CACNA2D3: variants seen among roughly 807,000 people sequenced by gnomAD.
The protein encoded by CACNA2D3 is calcium voltage-gated channel auxiliary subunit alpha2delta 3.
A neutral mutation model predicts 160.6 loss-of-function variants in CACNA2D3; 60 were observed. That is an observed-to-expected ratio of 0.37 (90% CI 0.30 to 0.46). CACNA2D3 has a LOEUF of 0.46. CACNA2D3 is among the 20% of genes least tolerant of loss of function. The pLI is 1.00. For missense variants in CACNA2D3, 1,205 were observed against 1,365.0 expected (o/e 0.88, Z 1.85); for synonymous variants, 558 against 492.9 (o/e 1.13, Z -1.75).
intron 13 of CACNA2D3, among the ~76,000 whole-genome samples, chr3:54,801,622 G>C (rs570175641): frequency 6.6e-6 from 1 of 152,074 alleles, no homozygotes; most frequent in Non-Finnish European, 1.5e-5. Flanking sequence ...ATCAGCGGTG[G>C]ATATTAGCAT....
In CACNA2D3 at chr3:54,691,111, G is replaced by C. The variant is rs114405664; in HGVS notation, c.1167+48870G>C. On this transcript the variant is annotated intron_variant, in intron 11 of 37. Transcript: ENST00000474759. ...ACTCTAATGGGGTTGGGCTTTGTCA[G>C]TTCTTAGGAGAAGAGGCCTGGTTCC... Among the ~76,000 whole-genome samples the C allele has an allele frequency of 3.4e-3, 516 of 152,280 alleles. 3 individuals are homozygous for C. The highest frequency in any genetic ancestry group is 0.012 in the African/African-American group (501 of 41,554).
At chr3:54,763,815 A>G (rs9881292) in intron 12 of CACNA2D3, among the ~76,000 whole-genome samples, 1,926 of 7,440 alleles carry the variant, frequency 0.26, 457 homozygotes, top group Middle Eastern at 0.42. Flanking sequence ...ATATATACAT[A>G]TATATATACG....
chr3:54,278,095 C>T (rs960283354), intron 2 of CACNA2D3, among the ~76,000 whole-genome samples: 3 of 152,106 alleles, frequency 2.0e-5, no homozygotes, highest in East Asian at 1.9e-4. Context: ...TTCTATCCAT[C>T]TGACAAAGGG....
At chr3:54,903,971 G>A (rs1700399050) in intron 27 of CACNA2D3, among the ~76,000 whole-genome samples, 1 of 152,160 alleles carries the variant, frequency 6.6e-6, no homozygotes, top group South Asian at 2.1e-4. Context: ...TTTATCAGAT[G>A]CTTAGTTTGC....
intron 2 of CACNA2D3, among the ~76,000 whole-genome samples, chr3:54,123,949 A>C (rs1207051470): frequency 6.6e-6 from 1 of 152,110 alleles, no homozygotes; most frequent in Non-Finnish European, 1.5e-5. Flanking sequence ...CAAGGGGCAG[A>C]CTCAGTGCCT....
chr3:54,752,041 T>G (rs1701867132), intron 11 of CACNA2D3, among the ~76,000 whole-genome samples: 1 of 152,250 alleles, frequency 6.6e-6, no homozygotes, highest in East Asian at 1.9e-4. Flanking sequence ...AACCAAAAGC[T>G]TAGGAAGACT....
chr3:54,947,755 G>T (rs1433035912), intron 27 of CACNA2D3, among the ~76,000 whole-genome samples: 1 of 152,062 alleles, frequency 6.6e-6, no homozygotes, highest in Non-Finnish European at 1.5e-5. Context: ...AAATATGAAG[G>T]GCTTGGATGC....
chr3:54,964,408 GA>G (rs752480490), intron 27 of CACNA2D3, among the ~76,000 whole-genome samples: 2 of 123,954 alleles, frequency 1.6e-5, no homozygotes, highest in Non-Finnish European at 3.7e-5. Flanking sequence ...CAGGAATGGT[GA>G]TTTTTTTTTT....
Position 55,074,521 on chromosome 3 carries a change from C to CTGTG in CACNA2D3, c.*317_*320dup. 1 of 256,352 alleles carries CTGTG rather than the reference C, an allele frequency of 3.9e-6. No individual in the cohort carries two copies. The highest frequency in any genetic ancestry group is 7.4e-6 in the Non-Finnish European group (1 of 134,692). The allele number at this position is 256,352 out of a possible 1,614,324, so 15.9% of individuals were successfully genotyped here. ...GAAACCTATTGAAACCAATTTAAAA[C>CTGTG]TGTGTACTTTTTAAATAAAGTATAT... On this transcript the variant is annotated 3_prime_UTR_variant, in exon 38 of 38. Transcript: ENST00000474759.
chr3:54,141,105 G>A (rs1178945813), intron 2 of CACNA2D3, among the ~76,000 whole-genome samples: 2 of 148,020 alleles, frequency 1.4e-5, no homozygotes, highest in African/African-American at 2.6e-5. Flanking sequence ...GCGCGTGTGT[G>A]CATGCATGCC....
chr3:54,992,757 A>G (rs1040376439), intron 31 of CACNA2D3, among the ~76,000 whole-genome samples: 3 of 148,224 alleles, frequency 2.0e-5, no homozygotes, highest in African/African-American at 7.5e-5. Flanking sequence ...TCACACTGCT[A>G]TAAAGAAATA....
intron 2 of CACNA2D3, among the ~76,000 whole-genome samples, chr3:54,262,814 AGT>A (rs1367476191): frequency 6.6e-6 from 1 of 152,186 alleles, no homozygotes; most frequent in Non-Finnish European, 1.5e-5. Context: ...GCCACCTCCC[AGT>A]GCTGGGAGTG....
At chr3:54,956,633 T>C (rs1701902190) in intron 27 of CACNA2D3, among the ~76,000 whole-genome samples, 1 of 152,158 alleles carries the variant, frequency 6.6e-6, no homozygotes, top group African/African-American at 2.4e-5. Flanking sequence ...CCTGCCTCTT[T>C]AGTGGAGAGC....
At chr3:54,667,240 A>G (rs1028106761) in intron 11 of CACNA2D3, among the ~76,000 whole-genome samples, 4 of 152,170 alleles carry the variant, frequency 2.6e-5, no homozygotes, top group African/African-American at 9.6e-5. Flanking sequence ...TTTTTTTCAA[A>G]TATAATGTTG....
rs560509203 is a variant in CACNA2D3, at chr3:54,131,071, AGTT to A, written c.204+7486_204+7488del. The stretch of plus-strand genomic sequence containing the variant: ...CCTGGCACATTGGCTCCTGCCAGTG[AGTT>A]GTTGTTGTCATTCCTAGTTGCAATA... On this transcript the variant is annotated intron_variant, in intron 2 of 37. Coordinates refer to ENST00000474759, the MANE Select transcript of CACNA2D3 (RefSeq NM_018398.3). Among the ~76,000 whole-genome samples, 33 of 152,356 alleles carry A rather than the reference AGTT, an allele frequency of 2.2e-4. No individual in the cohort carries two copies. The East Asian group carries it at 6.0e-3, about 28-fold the overall frequency.
At chr3:54,567,262 A>G (rs1702423169) in intron 6 of CACNA2D3, among the ~76,000 whole-genome samples, 1 of 152,226 alleles carries the variant, frequency 6.6e-6, no homozygotes, top group Non-Finnish European at 1.5e-5. Context: ...AGAAGCCAGC[A>G]TGTATTTTTG....
At chr3:54,299,375 T>A (rs1283708672) in intron 2 of CACNA2D3, among the ~76,000 whole-genome samples, 1 of 152,154 alleles carries the variant, frequency 6.6e-6, no homozygotes, top group East Asian at 1.9e-4. Context: ...CACTCTCTCT[T>A]CTGTTGGCAA....
chr3:54,146,508 G>T (rs762822963), intron 2 of CACNA2D3, among the ~76,000 whole-genome samples: 2 of 152,220 alleles, frequency 1.3e-5, no homozygotes, highest in Non-Finnish European at 2.9e-5. Flanking sequence ...TGGCAGGGGA[G>T]CAATGTTTGT....
intron 4 of CACNA2D3, among the ~76,000 whole-genome samples, chr3:54,449,827 G>C (rs868165925): frequency 6.6e-6 from 1 of 152,144 alleles, no homozygotes; most frequent in Non-Finnish European, 1.5e-5. Context: ...AGAGAAGCAA[G>C]GACCATTTAA....
Sources: gnomAD v4.1 joint callset for allele counts (sites outside exome capture counted in the v4.1 genomes callset) on GRCh38, gnomAD v4.1.1 for gene constraint, MANE v1.5 for transcripts, NCBI Gene and HGNC (gene_info 2026-07-23, HGNC 2026-07-21) for gene names.